Variants in SPAG16 observed in about 807,000 individuals in gnomAD.
SPAG16 encodes the protein sperm-associated antigen 16 protein.
SPAG16 carries 86 observed loss-of-function variants against 80.4 expected under a neutral mutation model. The ratio of observed to expected loss-of-function variants is 1.07; its 90% confidence interval spans 0.90 to 1.28. The LOEUF is 1.28. SPAG16 is among the 50% of genes most tolerant of loss of function. SPAG16 has a pLI of 0.00. For missense variants in SPAG16, 870 were observed against 765.3 expected (o/e 1.14, Z -1.61); for synonymous variants, 294 against 265.9 (o/e 1.11, Z -1.03).
chr2:213,406,938 A>T (rs1189434780), intron 9 of SPAG16, among the ~76,000 whole-genome samples: 17 of 54,070 alleles, frequency 3.1e-4, no homozygotes, highest in African/African-American at 1.5e-3. Flanking sequence ...CGCGGATTTA[A>T]AAAAAAAAAA....
At chr2:214,142,130 C>G (rs2055393665) in intron 14 of SPAG16, among the ~76,000 whole-genome samples, 1 of 152,016 alleles carries the variant, frequency 6.6e-6, no homozygotes, top group South Asian at 2.1e-4. Flanking sequence ...TGTGATATTC[C>G]AATCCACTCA....
intron 10 of SPAG16, among the ~76,000 whole-genome samples, chr2:213,821,219 A>G (rs972542895): frequency 7.2e-5 from 11 of 152,102 alleles, no homozygotes; most frequent in African/African-American, 2.7e-4. Flanking sequence ...ACTTGTCCTT[A>G]TAAAGTGTTT....
intron 15 of SPAG16, among the ~76,000 whole-genome samples, chr2:214,250,751 T>TAGAGAGAGAGAG (rs751433547): frequency 3.7e-4 from 37 of 98,840 alleles, no homozygotes; most frequent in Non-Finnish European, 5.7e-4. Context: ...TATATATATA[T>TAGAGAGAGAGAG]ATATATAGAG....
intron 15 of SPAG16, among the ~76,000 whole-genome samples, chr2:214,395,299 AG>A (rs1202076171): frequency 6.6e-6 from 1 of 152,220 alleles, no homozygotes; most frequent in Admixed American, 6.5e-5. Context: ...CTTCCAAAGT[AG>A]CTGTAACATT....
In SPAG16 at chr2:214,204,023, G is replaced by T. The variant is rs553881141; in HGVS notation, c.1720+54757G>T. Among the ~76,000 whole-genome samples the T allele has an allele frequency of 1.1e-4, 17 of 152,308 alleles. No individual in the cohort carries two copies. The East Asian group carries it at 3.3e-3, about 30-fold the overall frequency. On this transcript the variant is annotated intron_variant, in intron 15 of 15. Transcript: ENST00000331683. Reference sequence around the variant, plus strand: ...GGGAGTGAGACCAGCCTTTTGGGCTGCATAGGAGCTGATGAGGCCTGTAAC... The same window carrying T: ...GGGAGTGAGACCAGCCTTTTGGGCTTCATAGGAGCTGATGAGGCCTGTAAC...
At chr2:213,326,689 T>G (rs183857871) in intron 5 of SPAG16, among the ~76,000 whole-genome samples, 40 of 152,126 alleles carry the variant, frequency 2.6e-4, no homozygotes, top group African/African-American at 8.9e-4. Context: ...ATTCAATTTT[T>G]TCATGTGAGA....
chr2:213,403,197 A>G (rs1267796096), intron 9 of SPAG16, among the ~76,000 whole-genome samples: 6 of 152,092 alleles, frequency 3.9e-5, no homozygotes, highest in African/African-American at 1.4e-4. Context: ...AGCATTTTTC[A>G]TGTGTTTTTT....
intron 15 of SPAG16, among the ~76,000 whole-genome samples, chr2:214,289,155 A>G (rs1211303871): frequency 6.6e-6 from 1 of 152,176 alleles, no homozygotes; most frequent in Non-Finnish European, 1.5e-5. Flanking sequence ...CTCTTGTTGC[A>G]TGAATAGCTG....
chr2:213,715,926 T>C (rs374618627), intron 10 of SPAG16, among the ~76,000 whole-genome samples: 198 of 151,684 alleles, frequency 1.3e-3, no homozygotes, highest in Middle Eastern at 6.8e-3. Context: ...ATTAGTTAAG[T>C]GGGAAAAAGT....
intron 15 of SPAG16, among the ~76,000 whole-genome samples, chr2:214,310,653 A>C (rs1695234316): frequency 6.6e-6 from 1 of 152,100 alleles, no homozygotes; most frequent in Non-Finnish European, 1.5e-5. Context: ...AGAGGGCTGC[A>C]CCAGCTCCCC....
chr2:213,713,294 A>T (rs1190357382), intron 10 of SPAG16, among the ~76,000 whole-genome samples: 2 of 152,184 alleles, frequency 1.3e-5, no homozygotes, highest in African/African-American at 2.4e-5. Flanking sequence ...GGGATGGGCC[A>T]TATTTCTTGT....
intron 12 of SPAG16, among the ~76,000 whole-genome samples, chr2:213,988,601 A>C (rs1559663530): frequency 6.6e-6 from 1 of 152,172 alleles, no homozygotes. Flanking sequence ...TACAGAATTC[A>C]AAGTCAACAC....
At chr2:213,728,657 C>T (rs558050010) in intron 10 of SPAG16, among the ~76,000 whole-genome samples, 51 of 152,056 alleles carry the variant, frequency 3.4e-4, no homozygotes, top group Middle Eastern at 3.4e-3. Flanking sequence ...GGGCGGATCA[C>T]CTGAGGTCAG....
intron 13 of SPAG16, among the ~76,000 whole-genome samples, chr2:214,051,986 T>C (rs2049670556): frequency 6.6e-6 from 1 of 152,242 alleles, no homozygotes; most frequent in Non-Finnish European, 1.5e-5. Flanking sequence ...TCCTATGTGA[T>C]TTGTAATACT....
At chr2:213,515,495 C>A (rs1473731817) in intron 10 of SPAG16, among the ~76,000 whole-genome samples, 1 of 152,070 alleles carries the variant, frequency 6.6e-6, no homozygotes, top group Non-Finnish European at 1.5e-5. Flanking sequence ...GTCCCTGATG[C>A]GAGCATAAAG....
At chr2:213,407,284 A>G (rs946249847) in intron 9 of SPAG16, among the ~76,000 whole-genome samples, 2 of 152,082 alleles carry the variant, frequency 1.3e-5, no homozygotes, top group African/African-American at 2.4e-5. Context: ...AAATAGGTCA[A>G]TCTTCCAGGA....
chr2:213,798,061 A>G (rs1041961033), intron 10 of SPAG16, among the ~76,000 whole-genome samples: 2 of 151,398 alleles, frequency 1.3e-5, no homozygotes, highest in African/African-American at 4.9e-5. Flanking sequence ...CCTAATGACT[A>G]CTCCTGAGTA....
chr2:213,588,897 A>G (rs979453390), intron 10 of SPAG16, among the ~76,000 whole-genome samples: 1 of 150,838 alleles, frequency 6.6e-6, no homozygotes, highest in African/African-American at 2.4e-5. Flanking sequence ...GTCAGAAAGT[A>G]CAATCAGTTC....
At chr2:214,211,288 G>A (rs2058286676) in intron 15 of SPAG16, among the ~76,000 whole-genome samples, 1 of 152,152 alleles carries the variant, frequency 6.6e-6, no homozygotes, top group South Asian at 2.1e-4. Context: ...GAATCAAAAT[G>A]TGTTTCATTT....
Sources: allele counts gnomAD v4.1 joint callset (sites outside exome capture counted in the v4.1 genomes callset), GRCh38; gene constraint gnomAD v4.1.1; transcripts MANE v1.5; gene names NCBI Gene and HGNC (gene_info 2026-07-23, HGNC 2026-07-21).